The following TCF7 variants were observed in gnomAD, a reference collection of about 807,000 sequenced individuals.
TCF7 encodes transcription factor 7.
Under a neutral mutation model 46.8 loss-of-function variants are expected in TCF7, and 19 were observed. The ratio of observed to expected loss-of-function variants is 0.41; its 90% CI spans 0.28 to 0.60. The LOEUF (loss-of-function observed/expected upper bound fraction) is 0.60, where lower values mean the gene tolerates loss of function less well. TCF7 is among the 20% of genes least tolerant of loss of function. The pLI is 0.35. For missense variants in TCF7, 547 were observed against 504.6 expected (o/e 1.08, Z -0.81); for synonymous variants, 245 against 213.4 (o/e 1.15, Z -1.29).
chr5:134,135,157 G>C (rs531081191), intron 3 of TCF7, among the ~76,000 whole-genome samples: 1 of 152,042 alleles, frequency 6.6e-6, no homozygotes, highest in African/African-American at 2.4e-5. Flanking sequence ...ACAAGGTCTC[G>C]CTATGTTGCC....
intron 9 of TCF7, chr5:134,143,991 G>A: frequency 4.0e-6 from 1 of 247,490 alleles, no homozygotes; most frequent in Admixed American, 5.0e-5. Context: ...GTCCTGGCTA[G>A]TTCTGCTGAG....
chr5:134,144,952 A>C (rs1580906274), intron 9 of TCF7: 1 of 1,275,566 alleles, frequency 7.8e-7, no homozygotes, highest in South Asian at 1.2e-5. Context: ...CCTGCAGCCC[A>C]CTCCTTTGGC....
chr5:134,109,619 A>T, the TCF7 span, among the ~76,000 whole-genome samples: 1 of 152,064 alleles, frequency 6.6e-6, no homozygotes, highest in East Asian at 1.9e-4. Flanking sequence ...AAAATACAAA[A>T]ATTAGCCGAG....
chr5:134,145,149 A>G, intron 9 of TCF7: 2 of 635,288 alleles, frequency 3.1e-6, no homozygotes, highest in South Asian at 1.4e-5. Context: ...CAGTGGGCCT[A>G]GCAGGTCCTC....
chr5:134,120,875 T>A (rs1006630527), intron 3 of TCF7, among the ~76,000 whole-genome samples: 31 of 152,058 alleles, frequency 2.0e-4, no homozygotes, highest in Non-Finnish European at 1.2e-4. Context: ...AGATTTGGAG[T>A]GAGGACCAGC....
upstream of TCF7, among the ~76,000 whole-genome samples, chr5:134,112,522 C>A (rs145609208): frequency 1.2e-3 from 183 of 152,342 alleles, 1 homozygote; most frequent in African/African-American, 4.3e-3. Flanking sequence ...CTGGTTCCAG[C>A]CAGCAGGGTG....
At chr5:134,115,648 C>A in intron 2 of TCF7, 3 of 1,431,828 alleles carry the variant, frequency 2.1e-6, no homozygotes, top group Non-Finnish European at 2.7e-6. Flanking sequence ...ACTAATCCGC[C>A]GCCTTCAGGA....
At chr5:134,116,240 T>C (rs535917117) in intron 3 of TCF7, among the ~76,000 whole-genome samples, 2 of 152,388 alleles carry the variant, frequency 1.3e-5, no homozygotes, top group East Asian at 3.9e-4. Flanking sequence ...CCCCCTGCCC[T>C]CTGCCTCTTG....
intron 3 of TCF7, among the ~76,000 whole-genome samples, chr5:134,117,633 G>T (rs1756005963): frequency 6.6e-6 from 1 of 152,192 alleles, no homozygotes; most frequent in Admixed American, 6.5e-5. Context: ...CTGCTGTCAG[G>T]GTATGGGTGA....
chr5:134,138,779 A>G (rs1759285682), intron 4 of TCF7, 172 bp from the exon 5 acceptor site: 5 of 1,076,814 alleles, frequency 4.6e-6, no homozygotes, highest in Non-Finnish European at 6.5e-6. Flanking sequence ...TTGTCTGTCA[A>G]AGGGGCACTA....
chr5:134,114,566 C>A (rs1389691187), upstream of TCF7: 1 of 151,936 alleles, frequency 6.6e-6, no homozygotes, highest in African/African-American at 2.4e-5. Context: ...AGAGCGAGCC[C>A]TTTAAGGCTA....
At chr5:134,145,164 A>G (rs1213510670) in intron 9 of TCF7, 5 of 619,846 alleles carry the variant, frequency 8.1e-6, no homozygotes, top group Admixed American at 1.9e-5. Flanking sequence ...GTCCTCAGCA[A>G]ACAGACAGCT....
chr5:134,138,044 C>T lies in TCF7; in HGVS notation c.442-15C>T. On this transcript the variant is annotated splice_polypyrimidine_tract_variant and intron_variant, in intron 3 of 9. Coordinates refer to ENST00000342854, the MANE Select transcript of TCF7 (RefSeq NM_003202.5). ...GGACTCGCCACACTCACCCACCCTCCTTCTCATTTTTCAGCACAAGGCCAA... is the reference window on the plus strand; with the variant it reads ...GGACTCGCCACACTCACCCACCCTCTTTCTCATTTTTCAGCACAAGGCCAA... 1 of 1,580,046 alleles carries T rather than the reference C, an allele frequency of 6.3e-7. No homozygotes were observed. Among genetic ancestry groups the T allele is most frequent in the Non-Finnish European group, 8.6e-7 (1 of 1,156,600 alleles).
chr5:134,132,653 GCA>G (rs2149321413), intron 3 of TCF7, among the ~76,000 whole-genome samples: 1 of 151,688 alleles, frequency 6.6e-6, no homozygotes, highest in Admixed American at 6.6e-5. Flanking sequence ...CTGTCAGCGT[GCA>G]CACAGCCTGC....
At chr5:134,128,733 T>C (rs948761645) in intron 3 of TCF7, among the ~76,000 whole-genome samples, 7 of 151,936 alleles carry the variant, frequency 4.6e-5, no homozygotes, top group Non-Finnish European at 8.8e-5. Context: ...CTCTCAGCTC[T>C]CACTCTCGGG....
chr5:134,145,929 GAT>G (rs1383543794), intron 9 of TCF7: 5 of 1,505,010 alleles, frequency 3.3e-6, no homozygotes, highest in Non-Finnish European at 3.5e-6. Flanking sequence ...GGGACTGGGA[GAT>G]GACTCCCTTG....
At chr5:134,123,433 G>A (rs964403804) in intron 3 of TCF7, among the ~76,000 whole-genome samples, 3 of 152,210 alleles carry the variant, frequency 2.0e-5, no homozygotes, top group Admixed American at 1.3e-4. Flanking sequence ...CCTCTAAGTC[G>A]GCTCTGAGAT....
chr5:134,123,310 G>T (rs995977236), intron 3 of TCF7, among the ~76,000 whole-genome samples: 2 of 152,206 alleles, frequency 1.3e-5, no homozygotes, highest in Non-Finnish European at 2.9e-5. Flanking sequence ...GTAATCTTGG[G>T]TCCATACCCC....
At chr5:134,114,532 G>A (rs1755522934), upstream of TCF7, among the ~76,000 whole-genome samples, 1 of 152,018 alleles carries the variant, frequency 6.6e-6, no homozygotes, top group Non-Finnish European at 1.5e-5. Context: ...CTTGTCCGAC[G>A]TCTCTCTCAG....
Sources: allele counts gnomAD v4.1 joint callset (sites outside exome capture counted in the v4.1 genomes callset), GRCh38; gene constraint gnomAD v4.1.1; transcripts MANE v1.5; gene names NCBI Gene and HGNC (gene_info 2026-07-23, HGNC 2026-07-21).